TRHR: variants seen among roughly 807,000 people sequenced by gnomAD.
TRHR encodes the protein thyrotropin-releasing hormone receptor.
In TRHR, 14 loss-of-function variants were observed where a neutral mutation model predicts 28.0. That is an observed-to-expected ratio of 0.50 (90% CI 0.33 to 0.78). The LOEUF (loss-of-function observed/expected upper bound fraction) is 0.78, where lower values mean the gene tolerates loss of function less well. Ranked by LOEUF, TRHR falls within the 30% of genes least tolerant of loss-of-function variation. The pLI is 0.02. For missense variants in TRHR, 438 were observed against 469.5 expected, an observed-to-expected ratio of 0.93 and a Z score of 0.62; for synonymous variants, 176 against 171.9, an observed-to-expected ratio of 1.02 and a Z score of -0.18.
rs1408042392 is a variant in TRHR at position 109,121,372 on chromosome 8, A to G, written c.*1917A>G. On this transcript the variant is annotated 3_prime_UTR_variant, in exon 3 of 3. Transcript: ENST00000518632. ...TTGGTGAAAAAGGGGATTGGAATAT[A>G]CGAGATTTTTTCATTACAGAAAGGA... 3.3e-5 allele frequency among the ~76,000 whole-genome samples: 5 copies of G among 151,780 alleles called. No homozygotes were observed. The highest frequency in any genetic ancestry group is 2.0e-4 in the Admixed American group (3 of 15,196).
Position 109,119,631 on chromosome 8 carries a change from T to C in TRHR, c.*176T>C, listed in dbSNP as rs902023983. 3 of 690,902 alleles carry C rather than the reference T, an allele frequency of 4.3e-6. No homozygotes were observed. The African/African-American group carries it at 5.4e-5, about 12-fold the overall frequency. The allele number at this position is 690,902 out of a possible 1,614,324, so 42.8% of individuals were successfully genotyped here. A position where few individuals can be genotyped will look rare whatever the true frequency, so the allele number is the denominator to read the frequency against. The stretch of plus-strand genomic sequence containing the variant: ...CCCATGAGGATGATTCAGACTTTCC[T>C]TCTTACAAACTAATATCACTAAAAA... On this transcript the variant is annotated 3_prime_UTR_variant, in exon 3 of 3. Transcript: ENST00000518632.
intron 2 of TRHR, among the ~76,000 whole-genome samples, chr8:109,096,738 C>T (rs988270744): frequency 5.3e-5 from 8 of 152,032 alleles, no homozygotes; most frequent in African/African-American, 1.7e-4. Context: ...TTGTTAAATA[C>T]TTATCAGCAC....
At chr8:109,092,802 A>G (rs1278474882) in intron 2 of TRHR, among the ~76,000 whole-genome samples, 4 of 151,360 alleles carry the variant, frequency 2.6e-5, no homozygotes, top group South Asian at 4.2e-4. Context: ...CAATGATGCT[A>G]TAAAAGCAGT....
At chr8:109,097,071 T>C (rs1393399737) in intron 2 of TRHR, among the ~76,000 whole-genome samples, 1 of 152,188 alleles carries the variant, frequency 6.6e-6, no homozygotes, top group African/African-American at 2.4e-5. Flanking sequence ...CCCCTCCAAA[T>C]AGGACAGGCT....
At chr8:109,095,554 C>T (rs1811576036) in intron 2 of TRHR, among the ~76,000 whole-genome samples, 1 of 152,086 alleles carries the variant, frequency 6.6e-6, no homozygotes, top group Non-Finnish European at 1.5e-5. Context: ...CCCGCCTCTC[C>T]TCCCCATCCT....
At chr8:109,091,611 G>C (rs983602949) in intron 2 of TRHR, among the ~76,000 whole-genome samples, 6 of 152,124 alleles carry the variant, frequency 3.9e-5, no homozygotes, top group African/African-American at 1.4e-4. Context: ...ATTTAAAAAG[G>C]AAGTAAAAGA....
intron 2 of TRHR, among the ~76,000 whole-genome samples, chr8:109,118,329 C>T (rs970249907): frequency 6.6e-6 from 1 of 151,874 alleles, no homozygotes; most frequent in African/African-American, 2.4e-5. Flanking sequence ...ATTCAATAAA[C>T]ACTGACTTTT....
At chr8:109,088,853 C>T (rs1334474995) in intron 2 of TRHR, among the ~76,000 whole-genome samples, 1 of 152,080 alleles carries the variant, frequency 6.6e-6, no homozygotes, top group African/African-American at 2.4e-5. Context: ...ATCACCCTCT[C>T]CTCCAGCTCC....
At chr8:109,110,926 C>A (rs1019541790) in intron 2 of TRHR, among the ~76,000 whole-genome samples, 1 of 152,078 alleles carries the variant, frequency 6.6e-6, no homozygotes, top group African/African-American at 2.4e-5. Context: ...GAGGCCAAGG[C>A]GGGTGAATCA....
intron 2 of TRHR, among the ~76,000 whole-genome samples, chr8:109,114,807 T>G (rs1038829612): frequency 6.6e-6 from 1 of 152,052 alleles, no homozygotes; most frequent in Admixed American, 6.6e-5. Flanking sequence ...CATTCCTCTG[T>G]ATTAGCAGTT....
intron 2 of TRHR, among the ~76,000 whole-genome samples, chr8:109,092,431 T>G (rs887803432): frequency 1.3e-5 from 2 of 150,550 alleles, no homozygotes; most frequent in African/African-American, 2.4e-5. Context: ...TATTTTTATT[T>G]TATTTATTTA....
chr8:109,093,084 T>C (rs530954812), intron 2 of TRHR, among the ~76,000 whole-genome samples: 19 of 152,246 alleles, frequency 1.2e-4, no homozygotes, highest in African/African-American at 4.3e-4. Flanking sequence ...TAAGTTTGTT[T>C]CTCTGAGCCT....
At chr8:109,104,420 T>A (rs1320022126) in intron 2 of TRHR, among the ~76,000 whole-genome samples, 1 of 152,132 alleles carries the variant, frequency 6.6e-6, no homozygotes, top group Non-Finnish European at 1.5e-5. Context: ...CTTGGTAAAG[T>A]GTTATGTAGT....
chr8:109,114,588 A>G (rs1055934129), intron 2 of TRHR, among the ~76,000 whole-genome samples: 4 of 152,108 alleles, frequency 2.6e-5, no homozygotes, highest in Non-Finnish European at 5.9e-5. Flanking sequence ...TTACTTCATT[A>G]CATGGTCTGC....
At chr8:109,116,175 T>C (rs1811917988) in intron 2 of TRHR, among the ~76,000 whole-genome samples, 1 of 152,174 alleles carries the variant, frequency 6.6e-6, no homozygotes, top group Non-Finnish European at 1.5e-5. Flanking sequence ...ATGGATAAGC[T>C]TTTTGATGTG....
rs547497620 is a variant in TRHR, at chr8:109,120,705, T to C, written c.*1250T>C. ...GTCATCTTTATATTTATGACTGACA[T>C]CTGCTATTCCAGTGTTTATTGGAGA... On this transcript the variant is annotated 3_prime_UTR_variant, in exon 3 of 3. Coordinates refer to ENST00000518632, the MANE Select transcript of TRHR (RefSeq NM_003301.7). Among the ~76,000 whole-genome samples, 1 of 151,932 alleles carries C rather than the reference T, an allele frequency of 6.6e-6. No homozygotes were observed. The highest frequency in any genetic ancestry group is 2.4e-5 in the African/African-American group (1 of 41,504).
At chr8:109,091,081 T>C (rs1018041734) in intron 2 of TRHR, among the ~76,000 whole-genome samples, 2 of 151,986 alleles carry the variant, frequency 1.3e-5, no homozygotes, top group East Asian at 3.9e-4. Context: ...GGATGAGAAA[T>C]CTGACAGCCG....
rs1811448533 is a variant in TRHR at position 109,087,427 on chromosome 8, G to T, written c.-86G>T. On this transcript the variant is annotated splice_region_variant and 5_prime_UTR_variant, in exon 2 of 3. Coordinates refer to ENST00000518632, the MANE Select transcript of TRHR (RefSeq NM_003301.7). ...ATATGTACTATGACCCTTCACAGGG[G>T]GATGGAACTGCTGCAATAAAGGTGG... is the stretch of plus-strand genomic sequence containing the variant. 4.9e-6 allele frequency: 7 copies of T among 1,419,454 alleles called. No individual in the cohort carries two copies. In the Admixed American group the frequency reaches 1.2e-4, roughly 25 times the overall value. 87.9% of individuals were successfully genotyped at this position (1,419,454 alleles called of 1,614,324 possible). A position where few individuals can be genotyped will look rare whatever the true frequency, so the allele number is the denominator to read the frequency against.
intron 2 of TRHR, among the ~76,000 whole-genome samples, chr8:109,093,474 C>T (rs1431060991): frequency 1.5e-5 from 2 of 135,118 alleles, no homozygotes; most frequent in Non-Finnish European, 3.0e-5. Flanking sequence ...GGTGCGATCT[C>T]GGCTCACTGC....
Sources: gnomAD v4.1 joint callset for allele counts (sites outside exome capture counted in the v4.1 genomes callset) on GRCh38, gnomAD v4.1.1 for gene constraint, MANE v1.5 for transcripts, NCBI Gene and HGNC (gene_info 2026-07-23, HGNC 2026-07-21) for gene names.